The following NAV2 variants were observed in gnomAD, a reference collection of about 807,000 sequenced individuals.
NAV2 encodes the protein neuron navigator 2.
A neutral mutation model predicts 223.2 loss-of-function variants in NAV2; 54 were observed. The observed-to-expected ratio is 0.24, with a 90% CI of 0.19 to 0.30. The LOEUF is 0.30. Among genes scored for constraint, NAV2 ranks in the 10% least tolerant of loss-of-function variants. The probability of loss-of-function intolerance (pLI) is 1.00; values close to 1 mark genes in which losing one functional copy is unlikely to be tolerated. For synonymous variants in NAV2, 1,279 were observed against 1,239.3 expected (o/e 1.03, Z -0.67); for missense variants, 2,806 against 3,147.5 (o/e 0.89, Z 2.60).
intron 1 of NAV2, among the ~76,000 whole-genome samples, chr11:19,787,009 C>A (rs1239548608): frequency 1.3e-5 from 2 of 151,918 alleles, no homozygotes; most frequent in Admixed American, 6.6e-5. Context: ...ATAACAAGAC[C>A]CCATATTTTT....
Position 19,948,894 on chromosome 11 carries a change from G to T in NAV2, c.2459G>T (p.Arg820Leu). 1 of 1,614,056 alleles carries T rather than the reference G, an allele frequency of 6.2e-7. No individual in the cohort carries two copies. The highest frequency in any genetic ancestry group is 8.5e-7 in the Non-Finnish European group (1 of 1,180,014). ...AGGTTCATCAACACTGAGTCAGGTC[G>T]CTATGTGTACTCCGCCCCTCTGAGA... ...ASRFINTESG[R>L]YVYSAPLRRQ... Residue 820 changes from arginine (R) to leucine (L), a missense_variant, in exon 10 of 38, where the codon CGC (arginine) becomes CTC (leucine). Coordinates refer to ENST00000349880, the MANE Select transcript of NAV2 (RefSeq NM_145117.5).
chr11:19,778,159 A>C (rs2056437282), intron 1 of NAV2, among the ~76,000 whole-genome samples: 1 of 152,228 alleles, frequency 6.6e-6, no homozygotes, highest in African/African-American at 2.4e-5. Context: ...TGCCCAAAGA[A>C]GCCTGAGTTG....
chr11:19,589,392 G>A (rs1386453), intron 1 of NAV2, among the ~76,000 whole-genome samples: 149,613 of 152,328 alleles, frequency 0.98, 73,535 homozygotes, highest in East Asian at 1. Flanking sequence ...GTTACAATTC[G>A]GAGTGATCTG....
At chr11:19,779,162 A>G (rs1172224186) in intron 1 of NAV2, among the ~76,000 whole-genome samples, 1 of 152,122 alleles carries the variant, frequency 6.6e-6, no homozygotes, top group African/African-American at 2.4e-5. Context: ...GAGCTGTCTC[A>G]CTTTTCAAAT....
intron 14 of NAV2, among the ~76,000 whole-genome samples, chr11:20,047,873 T>C (rs2057604905): frequency 6.6e-6 from 1 of 152,226 alleles, no homozygotes; most frequent in Admixed American, 6.5e-5. Context: ...TTTCAGTGAG[T>C]GTAATAGAGC....
chr11:20,121,086 A>C lies in NAV2; in HGVS notation c.*2828A>C, dbSNP rs1047416307. On this transcript the variant is annotated 3_prime_UTR_variant, in exon 38 of 38. Coordinates refer to ENST00000349880, the MANE Select transcript of NAV2 (RefSeq NM_145117.5). ...TGGGACAGGAACAAGACTTGCCTAG[A>C]TCTTTGTTGTATCTTGGGGACTTTT... 1 of 152,340 alleles carries C rather than the reference A, an allele frequency of 6.6e-6. No homozygotes were observed. The highest frequency in any genetic ancestry group is 1.5e-5 in the Non-Finnish European group (1 of 68,028). 9.4% of individuals were successfully genotyped at this position (152,340 alleles called of 1,614,324 possible).
At chr11:19,491,012 T>C (rs1046932374) in intron 1 of NAV2, among the ~76,000 whole-genome samples, 3 of 152,170 alleles carry the variant, frequency 2.0e-5, no homozygotes, top group African/African-American at 7.2e-5. Flanking sequence ...AGCAATAATA[T>C]CTCGAAAAGA....
At chr11:19,790,482 A>G (rs989492283) in intron 1 of NAV2, among the ~76,000 whole-genome samples, 2 of 152,200 alleles carry the variant, frequency 1.3e-5, no homozygotes, top group Non-Finnish European at 2.9e-5. Context: ...AGGGTAGTAC[A>G]GTAAGCACAG....
In NAV2 at chr11:19,841,133, A is replaced by G. The variant is rs575104592; in HGVS notation, c.386-1738A>G. Among the ~76,000 whole-genome samples, 81 of 152,272 alleles carry G rather than the reference A, an allele frequency of 5.3e-4. 2 individuals are homozygous for G. In the South Asian group the frequency reaches 0.016, roughly 31 times the overall value. On this transcript the variant is annotated intron_variant, in intron 2 of 37. Transcript: ENST00000349880. Reference sequence around the variant, plus strand: ...AGAAAATGCAATTAGATCTCTGAAGATTGGGATTTTCCCAGGTGGGTCATA... The same window carrying G: ...AGAAAATGCAATTAGATCTCTGAAGGTTGGGATTTTCCCAGGTGGGTCATA...
At chr11:20,044,805 C>T (rs1305607998) in intron 13 of NAV2, among the ~76,000 whole-genome samples, 163 bp from the exon 14 acceptor site, 1 of 152,094 alleles carries the variant, frequency 6.6e-6, no homozygotes, top group African/African-American at 2.4e-5. Flanking sequence ...CTAAAAGGCT[C>T]ACGGTACATT....
intron 1 of NAV2, among the ~76,000 whole-genome samples, chr11:19,725,764 C>T (rs1169520593): frequency 6.6e-6 from 1 of 152,208 alleles, no homozygotes; most frequent in Non-Finnish European, 1.5e-5. Flanking sequence ...TATGAATTGC[C>T]CACACCCATG....
chr11:19,812,019 C>T (rs1174096770), intron 1 of NAV2, among the ~76,000 whole-genome samples: 1 of 152,146 alleles, frequency 6.6e-6, no homozygotes, highest in Non-Finnish European at 1.5e-5. Flanking sequence ...CTTGTTCAAA[C>T]CCAGTCTGCT....
intron 1 of NAV2, among the ~76,000 whole-genome samples, chr11:19,524,801 C>A (rs539249343): frequency 1.1e-4 from 17 of 152,332 alleles, no homozygotes; most frequent in African/African-American, 4.1e-4. Flanking sequence ...GAGATGGTGT[C>A]TCTTTCCTGC....
chr11:19,566,385 G>A (rs1005241139), intron 1 of NAV2, among the ~76,000 whole-genome samples: 4 of 152,148 alleles, frequency 2.6e-5, no homozygotes, highest in African/African-American at 7.2e-5. Flanking sequence ...GCCCAAGGTG[G>A]TCATTTTAAT....
At chr11:19,812,008 G>A (rs2058858792) in intron 1 of NAV2, among the ~76,000 whole-genome samples, 1 of 152,122 alleles carries the variant, frequency 6.6e-6, no homozygotes, top group South Asian at 2.1e-4. Context: ...CCACCAGAAT[G>A]CTTGTTCAAA....
Position 20,093,208 on chromosome 11 carries a change from G to A in NAV2, c.5916+9G>A, listed in dbSNP as rs777976590. The stretch of plus-strand genomic sequence containing the variant: ...AAATGAAGTGGAAGGAGGTTAGTTG[G>A]ATCCCTTTCCCTGCTTTGCCTGTCC... On this transcript the variant is annotated intron_variant, in intron 29 of 37. Coordinates refer to ENST00000349880, the MANE Select transcript of NAV2 (RefSeq NM_145117.5). 3 of 1,591,616 alleles carry A rather than the reference G, an allele frequency of 1.9e-6. No individual in the cohort carries two copies. The highest frequency in any genetic ancestry group is 1.7e-5 in the Admixed American group (1 of 59,956).
At chr11:19,416,057 C>T (rs1018873987) in intron 1 of NAV2, among the ~76,000 whole-genome samples, 4 of 152,138 alleles carry the variant, frequency 2.6e-5, no homozygotes, top group African/African-American at 7.2e-5. Context: ...CCCTCTCTCA[C>T]GACTCCTATT....
chr11:19,677,416 A>C (rs1372737804), intron 1 of NAV2, among the ~76,000 whole-genome samples: 4 of 152,240 alleles, frequency 2.6e-5, no homozygotes, highest in Non-Finnish European at 5.9e-5. Context: ...TCCCAAGCCC[A>C]GTGTGTCCTA....
chr11:20,007,693 G>A (rs2053201750), intron 11 of NAV2, among the ~76,000 whole-genome samples: 1 of 152,222 alleles, frequency 6.6e-6, no homozygotes, highest in Non-Finnish European at 1.5e-5. Flanking sequence ...AGGTAAGTCA[G>A]ACTAATTATT....
Sources: gnomAD v4.1 joint callset for allele counts (sites outside exome capture counted in the v4.1 genomes callset) on GRCh38, gnomAD v4.1.1 for gene constraint, MANE v1.5 for transcripts, NCBI Gene and HGNC (gene_info 2026-07-23, HGNC 2026-07-21) for gene names.